The following RTL4 variants were observed in gnomAD, a reference collection of about 807,000 sequenced individuals.
RTL4 encodes the protein retrotransposon Gag like 4.
RTL4 carries 4 observed loss-of-function variants against 5.3 expected under a neutral mutation model. That is an observed-to-expected ratio of 0.75 (90% CI 0.37 to 1.72). The LOEUF is 1.72. Ranked by LOEUF, RTL4 falls within the 40% of genes most tolerant of loss-of-function variation. The probability of loss-of-function intolerance (pLI) is 0.04; values close to 1 mark genes in which losing one functional copy is unlikely to be tolerated. For missense variants in RTL4, 260 were observed against 227.1 expected, an observed-to-expected ratio of 1.14 and a Z score of -0.93; for synonymous variants, 98 against 87.3, an observed-to-expected ratio of 1.12 and a Z score of -0.68.
the RTL4 span, among the ~76,000 whole-genome samples, chrX:112,258,336 G>A: frequency 9.0e-6 from 1 of 110,628 alleles, no homozygotes; most frequent in African/African-American, 3.3e-5. Flanking sequence ...TGTAACAAAT[G>A]TACCACTGCG....
the RTL4 span, among the ~76,000 whole-genome samples, chrX:112,124,221 G>A: frequency 8.9e-6 from 1 of 111,825 alleles, no homozygotes; most frequent in Admixed American, 9.5e-5. Flanking sequence ...CACTGTTGGT[G>A]GGAATATAAA....
chrX:112,326,677 C>T, the RTL4 span, among the ~76,000 whole-genome samples: 1 of 111,991 alleles, frequency 8.9e-6, no homozygotes, highest in African/African-American at 3.2e-5. Context: ...GCCTGCCTGC[C>T]TCTGTAGGCT....
chrX:112,231,209 C>T, the RTL4 span, among the ~76,000 whole-genome samples: 2 of 111,197 alleles, frequency 1.8e-5, no homozygotes, highest in South Asian at 7.7e-4. Context: ...TTTGACCCAG[C>T]CATCCCATTA....
At chrX:112,363,335 G>C in the RTL4 span, among the ~76,000 whole-genome samples, 1 of 111,227 alleles carries the variant, frequency 9.0e-6, no homozygotes, top group Non-Finnish European at 1.9e-5. Flanking sequence ...CCAGGGGAAA[G>C]TGCTATCTGC....
chrX:112,161,467 C>T, the RTL4 span, among the ~76,000 whole-genome samples: 3 of 111,860 alleles, frequency 2.7e-5, no homozygotes, highest in Non-Finnish European at 3.8e-5. Context: ...TCTTGGCCAT[C>T]CTCCCTTCAA....
rs772856333 is a variant in RTL4 at position 112,455,834 on chromosome X, C to T, written c.*173C>T. On this transcript the variant is annotated 3_prime_UTR_variant, in exon 1 of 1. Transcript: ENST00000340433. ...CAGATCTTGTTCATTGGCAAATTAC[C>T]CCTCACGAAACCTAACCCGAGAATG... 1.1e-5 allele frequency: 5 copies of T among 453,314 alleles called. No individual in the cohort carries two copies. The East Asian group carries it at 2.0e-4, about 18-fold the overall frequency. The allele number at this position is 453,314 out of a possible 1,213,427, so 37.4% of individuals were successfully genotyped here.
At chrX:112,128,818 TA>T in the RTL4 span, among the ~76,000 whole-genome samples, 1 of 111,227 alleles carries the variant, frequency 9.0e-6, no homozygotes, top group Non-Finnish European at 1.9e-5. Flanking sequence ...GCTTAGGCAA[TA>T]AACAAATAAA....
the RTL4 span, among the ~76,000 whole-genome samples, chrX:112,146,598 TGAG>T: frequency 1.8e-5 from 2 of 109,272 alleles, no homozygotes. Flanking sequence ...GTCAGGGAAA[TGAG>T]GAGGAAGCAG....
the RTL4 span, among the ~76,000 whole-genome samples, chrX:112,363,514 T>C: frequency 9.1e-6 from 1 of 110,464 alleles, no homozygotes; most frequent in Admixed American, 9.6e-5. Flanking sequence ...TCTTGCGTAC[T>C]CATACTTATG....
At chrX:112,425,631 T>C in the RTL4 span, among the ~76,000 whole-genome samples, 1 of 111,821 alleles carries the variant, frequency 8.9e-6, no homozygotes, top group Admixed American at 9.5e-5. Context: ...CTAATAGATA[T>C]GCAGTAATAA....
chrX:112,173,225 C>T, the RTL4 span, among the ~76,000 whole-genome samples: 3 of 110,691 alleles, frequency 2.7e-5, no homozygotes, highest in Non-Finnish European at 5.7e-5. Context: ...TAAATAAGTG[C>T]AGGGTAATAT....
chrX:112,401,472 A>C, the RTL4 span, among the ~76,000 whole-genome samples: 9 of 111,770 alleles, frequency 8.1e-5, no homozygotes, highest in South Asian at 3.4e-3. Context: ...TGCAAAGTGC[A>C]CTTTTTAAGG....
the RTL4 span, among the ~76,000 whole-genome samples, chrX:112,162,192 CAAT>C: frequency 1.8e-4 from 20 of 110,844 alleles, no homozygotes; most frequent in African/African-American, 5.9e-4. Context: ...ATAACAACAA[CAAT>C]AACAACAAAA....
At chrX:112,370,278 C>G in the RTL4 span, among the ~76,000 whole-genome samples, 1 of 111,163 alleles carries the variant, frequency 9.0e-6, no homozygotes, top group African/African-American at 3.3e-5. Context: ...ATCATAGCAG[C>G]AGCCAACCTG....
the RTL4 span, among the ~76,000 whole-genome samples, chrX:112,320,862 T>A: frequency 4.2e-4 from 47 of 112,119 alleles, no homozygotes; most frequent in African/African-American, 1.4e-3. Context: ...GGTTTATCTG[T>A]CTTTAAACAT....
chrX:112,241,505 T>C, the RTL4 span, among the ~76,000 whole-genome samples: 1 of 112,468 alleles, frequency 8.9e-6, no homozygotes, highest in Non-Finnish European at 1.9e-5. Context: ...CTGAAAAGTG[T>C]CTGTTCATAT....
At chrX:112,240,828 C>T in the RTL4 span, among the ~76,000 whole-genome samples, 2 of 110,531 alleles carry the variant, frequency 1.8e-5, no homozygotes, top group South Asian at 7.9e-4. Flanking sequence ...CTCCCCCCAC[C>T]GCACGACAGA....
At chrX:112,189,625 G>A in the RTL4 span, among the ~76,000 whole-genome samples, 9 of 110,879 alleles carry the variant, frequency 8.1e-5, no homozygotes, top group South Asian at 2.3e-3. Flanking sequence ...TTAGCCAGGC[G>A]TGGTGGCAGG....
chrX:112,371,238 C>T, the RTL4 span, among the ~76,000 whole-genome samples: 1 of 110,989 alleles, frequency 9.0e-6, no homozygotes, highest in African/African-American at 3.3e-5. Flanking sequence ...TAAAAAACAT[C>T]GGTAGTTGGG....
Sources: gnomAD v4.1 joint callset for allele counts (sites outside exome capture counted in the v4.1 genomes callset) on GRCh38, gnomAD v4.1.1 for gene constraint, MANE v1.5 for transcripts, NCBI Gene and HGNC (gene_info 2026-07-23, HGNC 2026-07-21) for gene names.